PKIB: variants seen among roughly 807,000 people sequenced by gnomAD.
The protein encoded by PKIB is cAMP-dependent protein kinase inhibitor beta.
Under a neutral mutation model 4.5 loss-of-function variants are expected in PKIB, and 2 were observed. The observed-to-expected ratio is 0.44, with a 90% CI of 0.18 to 1.39. The LOEUF (loss-of-function observed/expected upper bound fraction) is 1.39. Among genes scored for constraint, PKIB ranks in the 40% most tolerant of loss-of-function variants. The pLI is 0.27. For missense variants in PKIB, 94 were observed against 92.6 expected (o/e 1.02, Z -0.06); for synonymous variants, 38 against 36.0 (o/e 1.06, Z -0.20).
At chr6:122,523,445 AG>A (rs1777004661) in intron 2 of PKIB, among the ~76,000 whole-genome samples, 1 of 152,172 alleles carries the variant, frequency 6.6e-6, no homozygotes, top group African/African-American at 2.4e-5. Context: ...CCCAGTGGGA[AG>A]TACTTGAATC....
At chr6:122,538,129 A>G (rs1434488797) in intron 2 of PKIB, among the ~76,000 whole-genome samples, 7 of 151,866 alleles carry the variant, frequency 4.6e-5, no homozygotes, top group Admixed American at 3.3e-4. Flanking sequence ...TCTGTAGGTT[A>G]CCTGTTCACT....
rs371784327 is a variant in PKIB at position 122,659,059 on chromosome 6, A to G, written c.-75-16019A>G. 9.9e-5 allele frequency among the ~76,000 whole-genome samples: 15 copies of G among 152,202 alleles called. No homozygotes were observed. In the East Asian group the frequency reaches 2.9e-3, roughly 30 times the overall value. On this transcript the variant is annotated intron_variant, in intron 2 of 4. Coordinates refer to ENST00000368452, the MANE Select transcript of PKIB (RefSeq NM_181795.3). ...AACTACACTTTACCAAATAGAAGTCATATGAACTTTTAAAATGAATAGACA... is the reference window on the plus strand; with the variant it reads ...AACTACACTTTACCAAATAGAAGTCGTATGAACTTTTAAAATGAATAGACA...
intron 2 of PKIB, among the ~76,000 whole-genome samples, chr6:122,541,591 C>T (rs1185768933): frequency 1.3e-5 from 2 of 151,904 alleles, no homozygotes; most frequent in Admixed American, 1.3e-4. Context: ...GGTAACCTGA[C>T]CTTTCTCTCT....
At chr6:122,588,254 T>C (rs1257869644) in intron 3 of PKIB, among the ~76,000 whole-genome samples, 1 of 152,156 alleles carries the variant, frequency 6.6e-6, no homozygotes, top group Non-Finnish European at 1.5e-5. Context: ...CTAGCCAGTT[T>C]TCCCAGCACC....
At chr6:122,674,166 C>A (rs1296173893) in intron 2 of PKIB, among the ~76,000 whole-genome samples, 4 of 151,956 alleles carry the variant, frequency 2.6e-5, no homozygotes, top group Non-Finnish European at 5.9e-5. Context: ...CCATGTACCA[C>A]GTGAAGGGAT....
intron 1 of PKIB, among the ~76,000 whole-genome samples, chr6:122,631,210 T>C (rs1775685553): frequency 6.6e-6 from 1 of 152,196 alleles, no homozygotes; most frequent in East Asian, 1.9e-4. Flanking sequence ...TCTGGAGATA[T>C]TAGCAGAGTT....
At chr6:122,586,954 C>T (rs1290089333) in intron 3 of PKIB, among the ~76,000 whole-genome samples, 1 of 152,104 alleles carries the variant, frequency 6.6e-6, no homozygotes, top group African/African-American at 2.4e-5. Flanking sequence ...AACTTCACTC[C>T]AGTATATAAT....
intron 2 of PKIB, among the ~76,000 whole-genome samples, chr6:122,551,590 A>G (rs1772675026): frequency 6.6e-6 from 1 of 151,820 alleles, no homozygotes; most frequent in Non-Finnish European, 1.5e-5. Context: ...ATTTCCCCTT[A>G]TCCTTGTCAT....
intron 2 of PKIB, among the ~76,000 whole-genome samples, chr6:122,538,537 T>C (rs1582684528): frequency 6.6e-6 from 1 of 152,178 alleles, no homozygotes; most frequent in East Asian, 1.9e-4. Flanking sequence ...CATTGATCTA[T>C]ATCTCTGTTT....
rs186192626 is a variant in PKIB, at chr6:122,512,816, A to G, written c.-248+34877A>G. Among the ~76,000 whole-genome samples, 9 of 152,334 alleles carry G rather than the reference A, an allele frequency of 5.9e-5. No individual in the cohort carries two copies. In the South Asian group the frequency reaches 1.0e-3, roughly 18 times the overall value. The stretch of plus-strand genomic sequence containing the variant: ...GAAAATTAGACATGTCAATGTCCCA[A>G]TTGCCCAAGAGGGCAAGTCAACCCT... On this transcript the variant is annotated intron_variant, in intron 2 of 6. Coordinates refer to the PKIB transcript ENST00000392491.
intron 2 of PKIB, among the ~76,000 whole-genome samples, chr6:122,533,750 T>C (rs1777327537): frequency 6.6e-6 from 1 of 152,226 alleles, no homozygotes; most frequent in South Asian, 2.1e-4. Context: ...TGCCTGATTA[T>C]ATTCAGATAA....
intron 3 of PKIB, among the ~76,000 whole-genome samples, chr6:122,703,362 G>A (rs1314714952): frequency 6.6e-6 from 1 of 152,096 alleles, no homozygotes; most frequent in South Asian, 2.1e-4. Flanking sequence ...GCAGGAAACA[G>A]TACAGTATTT....
At chr6:122,601,027 T>A (rs181840395) in intron 3 of PKIB, among the ~76,000 whole-genome samples, 11 of 151,864 alleles carry the variant, frequency 7.2e-5, no homozygotes, top group Admixed American at 6.6e-4. Flanking sequence ...ATGAATGCAT[T>A]GTATAAACTA....
At chr6:122,568,569 CCA>C (rs1338041690) in intron 2 of PKIB, among the ~76,000 whole-genome samples, 1 of 152,170 alleles carries the variant, frequency 6.6e-6, no homozygotes, top group Non-Finnish European at 1.5e-5. Context: ...GCAAGCAATC[CCA>C]GTCTTCAGTG....
intron 2 of PKIB, among the ~76,000 whole-genome samples, chr6:122,528,525 C>T (rs144941530): frequency 1.8e-3 from 270 of 152,234 alleles, no homozygotes; most frequent in African/African-American, 6.1e-3. Flanking sequence ...GGCTTGCAGA[C>T]GGCTGCCATC....
At chr6:122,612,605 A>G (rs867720981) in intron 1 of PKIB, among the ~76,000 whole-genome samples, 1 of 152,236 alleles carries the variant, frequency 6.6e-6, no homozygotes. Context: ...GGGTTCAGCT[A>G]TGTTGTGGCA....
chr6:122,506,694 ATTTTTTTTTTT>A (rs35341464), intron 2 of PKIB, among the ~76,000 whole-genome samples: 8 of 116,570 alleles, frequency 6.9e-5, no homozygotes, highest in African/African-American at 2.6e-4. Flanking sequence ...TGGAGATGTA[ATTTTTTTTTTT>A]TTTTTTTTTT....
chr6:122,630,051 G>C (rs1775631717), intron 1 of PKIB, among the ~76,000 whole-genome samples: 1 of 152,008 alleles, frequency 6.6e-6, no homozygotes, highest in African/African-American at 2.4e-5. Context: ...AGGGGAAACT[G>C]GGTATGGAAC....
chr6:122,519,586 A>T (rs1306933823), intron 2 of PKIB, among the ~76,000 whole-genome samples: 1 of 152,166 alleles, frequency 6.6e-6, no homozygotes, highest in East Asian at 1.9e-4. Context: ...ATCTTTTTCT[A>T]TTCCAAGGCA....
Sources: allele counts gnomAD v4.1 joint callset (sites outside exome capture counted in the v4.1 genomes callset), GRCh38; gene constraint gnomAD v4.1.1; transcripts MANE v1.5; gene names NCBI Gene and HGNC (gene_info 2026-07-23, HGNC 2026-07-21).